NEBL: variants seen among roughly 807,000 people sequenced by gnomAD.
NEBL encodes LIM and SH3 protein 2.
In NEBL, 122 loss-of-function variants were observed where a neutral mutation model predicts 140.2. The observed-to-expected ratio is 0.87, with a 90% CI of 0.75 to 1.01. The LOEUF (loss-of-function observed/expected upper bound fraction) is 1.01. Ranked by LOEUF, NEBL falls within the 50% of genes least tolerant of loss-of-function variation. NEBL has a pLI of 0.00. For missense variants in NEBL, 1,365 were observed against 1,231.3 expected, an observed-to-expected ratio of 1.11 and a Z score of -1.62; for synonymous variants, 436 against 398.9, an observed-to-expected ratio of 1.09 and a Z score of -1.11.
chr10:21,227,711 T>TTCCTTCTTC (rs1456600511), intron 3 of NEBL, among the ~76,000 whole-genome samples: 1 of 46,424 alleles, frequency 2.2e-5, no homozygotes, highest in Non-Finnish European at 5.0e-5. Context: ...CTTCTTCTTC[T>TTCCTTCTTC]TTCTTCTTCT....
At chr10:21,255,773 A>T (rs532428874) in intron 1 of NEBL, among the ~76,000 whole-genome samples, 169 of 152,156 alleles carry the variant, frequency 1.1e-3, no homozygotes, top group African/African-American at 3.7e-3. Context: ...CAAGGTGGGC[A>T]GATCACGAGG....
chr10:21,142,773 C>T (rs1468698541), intron 2 of NEBL, among the ~76,000 whole-genome samples: 4 of 152,056 alleles, frequency 2.6e-5, no homozygotes, highest in Non-Finnish European at 4.4e-5. Context: ...CTGCTATGAA[C>T]TGCGCGTGTG....
intron 2 of NEBL, chr10:21,146,209 T>G (rs968874261): frequency 4.3e-6 from 3 of 692,544 alleles, no homozygotes; most frequent in East Asian, 5.2e-5. Flanking sequence ...GCAAAGGAAG[T>G]TTATTTCATG....
At chr10:21,024,490 G>A (rs1358378884) in intron 2 of NEBL, among the ~76,000 whole-genome samples, 1 of 148,712 alleles carries the variant, frequency 6.7e-6, no homozygotes, top group Non-Finnish European at 1.5e-5. Context: ...CTAGCAAAAT[G>A]CAAGAGAATA....
intron 3 of NEBL, among the ~76,000 whole-genome samples, chr10:20,972,347 C>T (rs533691487): frequency 6.6e-6 from 1 of 152,120 alleles, no homozygotes; most frequent in Non-Finnish European, 1.5e-5. Context: ...AGGCAAACAC[C>T]AACTGTTTTT....
upstream of NEBL, chr10:20,899,833 C>T (rs534514500): frequency 1.9e-4 from 30 of 161,664 alleles, no homozygotes; most frequent in African/African-American, 6.7e-4. Flanking sequence ...TCACTCAACA[C>T]TTGCTGGATG....
intron 27 of NEBL, among the ~76,000 whole-genome samples, chr10:20,786,510 T>G (rs1364033266): frequency 6.6e-6 from 1 of 152,184 alleles, no homozygotes; most frequent in East Asian, 1.9e-4. Context: ...CCTATATTTG[T>G]TTTTGTTTAA....
Position 21,032,593 on chromosome 10 carries a change from G to A in NEBL, c.165-12392C>T, listed in dbSNP as rs117880040. 5.4e-3 allele frequency among the ~76,000 whole-genome samples: 821 copies of A among 152,176 alleles called. 9 individuals are homozygous for A. The highest frequency in any genetic ancestry group is 0.049 in the East Asian group (251 of 5,164). On this transcript the variant is annotated intron_variant, in intron 2 of 6. Coordinates refer to the NEBL transcript ENST00000417816. ...AATTTTATAATTTTTTTAAAAGACG[G>A]TGAATTAGAGCACGTAAATGGGGAA... is the stretch of plus-strand genomic sequence containing the variant.
At chr10:20,874,509 C>A (rs1845292738) in intron 5 of NEBL, among the ~76,000 whole-genome samples, 1 of 152,142 alleles carries the variant, frequency 6.6e-6, no homozygotes, top group Non-Finnish European at 1.5e-5. Flanking sequence ...CACCTTGAAG[C>A]CACAGAGAAA....
chr10:20,983,202 A>T (rs1241810805), intron 3 of NEBL, among the ~76,000 whole-genome samples: 1 of 152,226 alleles, frequency 6.6e-6, no homozygotes, highest in Non-Finnish European at 1.5e-5. Context: ...GATAATCTCC[A>T]TAAGTCTTGT....
At chr10:21,129,849 A>G (rs1398261419) in intron 2 of NEBL, among the ~76,000 whole-genome samples, 1 of 152,168 alleles carries the variant, frequency 6.6e-6, no homozygotes, top group Non-Finnish European at 1.5e-5. Flanking sequence ...GAACAAGGGC[A>G]AAAAATTTAA....
intron 2 of NEBL, among the ~76,000 whole-genome samples, chr10:21,084,789 G>A (rs1176698450): frequency 6.6e-6 from 1 of 152,042 alleles, no homozygotes; most frequent in East Asian, 1.9e-4. Flanking sequence ...CAACATTCAA[G>A]CCAAAGCACA....
At chr10:20,843,058 C>T (rs1419075434) in intron 12 of NEBL, among the ~76,000 whole-genome samples, 1 of 152,036 alleles carries the variant, frequency 6.6e-6, no homozygotes, top group Non-Finnish European at 1.5e-5. Context: ...GAAGCCCTAG[C>T]CCCCATTGTG....
chr10:20,869,279 C>T lies in NEBL; in HGVS notation c.582+461G>A, dbSNP rs76082434. Among the ~76,000 whole-genome samples, 232 of 152,166 alleles carry T rather than the reference C, an allele frequency of 1.5e-3. 1 individual carries two copies. The highest frequency in any genetic ancestry group is 5.4e-3 in the African/African-American group (226 of 41,526). ...TGAAGTAAAATGGTATTAACTAAAG[C>T]GGGCACCTTAGAGAAGGTAAGAAAC... On this transcript the variant is annotated intron_variant, in intron 6 of 27. Coordinates refer to ENST00000377122, the MANE Select transcript of NEBL (RefSeq NM_006393.3).
chr10:20,973,130 A>G (rs1186533578), intron 3 of NEBL, among the ~76,000 whole-genome samples: 1 of 152,218 alleles, frequency 6.6e-6, no homozygotes, highest in African/African-American at 2.4e-5. Context: ...CCTGCTATGT[A>G]ACAGCAGGTA....
intron 2 of NEBL, among the ~76,000 whole-genome samples, chr10:21,032,203 A>G (rs990809422): frequency 1.1e-4 from 16 of 152,220 alleles, no homozygotes; most frequent in African/African-American, 3.6e-4. Context: ...ATTTGAGCAG[A>G]GCCAGGAGAA....
intron 1 of NEBL, among the ~76,000 whole-genome samples, chr10:21,254,798 C>G (rs1842633776): frequency 6.6e-6 from 1 of 151,888 alleles, no homozygotes; most frequent in East Asian, 2.0e-4. Context: ...ACTAGGGGCC[C>G]CTGTCTGGAC....
At chr10:20,807,375 C>G (rs1490555573) in intron 26 of NEBL, among the ~76,000 whole-genome samples, 1 of 151,954 alleles carries the variant, frequency 6.6e-6, no homozygotes, top group Non-Finnish European at 1.5e-5. Flanking sequence ...CAGACAGACA[C>G]AAAAAGGGGA....
chr10:20,847,619 G>A (rs1842070065), intron 11 of NEBL, among the ~76,000 whole-genome samples: 1 of 152,102 alleles, frequency 6.6e-6, no homozygotes, highest in Non-Finnish European at 1.5e-5. Context: ...TCAAAGAAGA[G>A]GGGAGGGGGT....
Sources: gnomAD v4.1 joint callset for allele counts (sites outside exome capture counted in the v4.1 genomes callset) on GRCh38, gnomAD v4.1.1 for gene constraint, MANE v1.5 for transcripts, NCBI Gene and HGNC (gene_info 2026-07-23, HGNC 2026-07-21) for gene names.